AMBRA1: variants seen among roughly 807,000 people sequenced by gnomAD.
AMBRA1 encodes autophagy and beclin 1 regulator 1.
A neutral mutation model predicts 125.4 loss-of-function variants in AMBRA1; 47 were observed. The observed-to-expected ratio is 0.37, with a 90% CI of 0.30 to 0.48. The LOEUF is 0.48. AMBRA1 is among the 20% of genes least tolerant of loss of function. The pLI, the probability that AMBRA1 is intolerant of heterozygous loss-of-function variation, is 0.99. For missense variants in AMBRA1, 1,331 were observed against 1,693.4 expected (o/e 0.79, Z 3.76); for synonymous variants, 626 against 655.5 (o/e 0.95, Z 0.69).
In AMBRA1 at chr11:46,587,195, C is replaced by T. The variant is rs148780911; in HGVS notation, c.-121+6633G>A. ...AGGAGTTCGAGATCTGCCTGGCCAACATGGTGAAACCCCATCTCTACTCAA... is the reference window on the plus strand; with the variant it reads ...AGGAGTTCGAGATCTGCCTGGCCAATATGGTGAAACCCCATCTCTACTCAA... On this transcript the variant is annotated intron_variant, in intron 1 of 17. Coordinates refer to ENST00000683756, the MANE Select transcript of AMBRA1 (RefSeq NM_001387011.1). Among the ~76,000 whole-genome samples the T allele has an allele frequency of 2.0e-3, 302 of 152,214 alleles. 1 individual carries two copies. The highest frequency in any genetic ancestry group is 6.5e-3 in the African/African-American group (272 of 41,554).
chr11:46,413,618 G>A (rs558567148), intron 15 of AMBRA1, among the ~76,000 whole-genome samples: 1 of 151,990 alleles, frequency 6.6e-6, no homozygotes, highest in Non-Finnish European at 1.5e-5. Context: ...AGCCTCCCGA[G>A]TAGCTGGGAT....
At chr11:46,573,663 C>CTTTT (rs142367481) in intron 1 of AMBRA1, among the ~76,000 whole-genome samples, 6 of 138,700 alleles carry the variant, frequency 4.3e-5, no homozygotes, top group African/African-American at 1.6e-4. Context: ...AATCCTTTTT[C>CTTTT]TTTTTTTTTT....
intron 5 of AMBRA1, among the ~76,000 whole-genome samples, chr11:46,544,935 A>T (rs977823781): frequency 6.6e-6 from 1 of 151,848 alleles, no homozygotes; most frequent in African/African-American, 2.4e-5. Flanking sequence ...TGGGTAACAC[A>T]GTGAGGCCCC....
chr11:46,478,478 G>T (rs1949911484), intron 11 of AMBRA1, among the ~76,000 whole-genome samples: 2 of 152,036 alleles, frequency 1.3e-5, no homozygotes, highest in South Asian at 4.2e-4. Flanking sequence ...GAAATACAGG[G>T]CTATATCCTA....
intron 7 of AMBRA1, among the ~76,000 whole-genome samples, chr11:46,540,766 A>G (rs1207052330): frequency 6.6e-6 from 1 of 152,206 alleles, no homozygotes; most frequent in Non-Finnish European, 1.5e-5. Context: ...GTACCATACA[A>G]TGAAGCATTT....
chr11:46,552,710 T>C, intron 1 of AMBRA1, among the ~76,000 whole-genome samples: 1 of 149,288 alleles, frequency 6.7e-6, no homozygotes, highest in Middle Eastern at 3.2e-3. Flanking sequence ...AATTATGCGG[T>C]AAGTACATGT....
At chr11:46,428,933 T>C (rs1235065141) in intron 14 of AMBRA1, 3 of 1,612,122 alleles carry the variant, frequency 1.9e-6, no homozygotes, top group Non-Finnish European at 2.5e-6. Context: ...GATACCCTCA[T>C]TGGTAAGGTA....
intron 17 of AMBRA1, among the ~76,000 whole-genome samples, chr11:46,407,244 C>A (rs907191767): frequency 2.0e-5 from 3 of 152,116 alleles, no homozygotes. Context: ...AAAGAAGGGG[C>A]TGCCTAAGAG....
chr11:46,549,888 G>T (rs944305589), intron 1 of AMBRA1, among the ~76,000 whole-genome samples: 1 of 152,026 alleles, frequency 6.6e-6, no homozygotes, highest in African/African-American at 2.4e-5. Context: ...GCGCAATCTC[G>T]GCTCACTGCA....
chr11:46,529,470 C>A (rs1414369591), intron 7 of AMBRA1, among the ~76,000 whole-genome samples: 1 of 152,148 alleles, frequency 6.6e-6, no homozygotes, highest in Non-Finnish European at 1.5e-5. Context: ...ACTGCAATGA[C>A]CAGTGACTCC....
chr11:46,424,519 A>G (rs990667064), intron 14 of AMBRA1, among the ~76,000 whole-genome samples: 1 of 152,172 alleles, frequency 6.6e-6, no homozygotes, highest in Non-Finnish European at 1.5e-5. Context: ...GTGCTAAAAG[A>G]AATACTGAGG....
intron 9 of AMBRA1, among the ~76,000 whole-genome samples, chr11:46,499,458 G>A (rs2135000312): frequency 6.6e-6 from 1 of 152,224 alleles, no homozygotes; most frequent in East Asian, 1.9e-4. Flanking sequence ...TAATTCTAAA[G>A]TTGCTAAGCA....
intron 14 of AMBRA1, among the ~76,000 whole-genome samples, chr11:46,428,293 C>T (rs149993395): frequency 4.5e-4 from 68 of 152,294 alleles, no homozygotes; most frequent in African/African-American, 1.4e-3. Context: ...CTCTTGGCTA[C>T]GGTTTTACCA....
chr11:46,439,091 C>T (rs557333251), intron 12 of AMBRA1, among the ~76,000 whole-genome samples: 3 of 152,032 alleles, frequency 2.0e-5, no homozygotes, highest in South Asian at 2.1e-4. Context: ...GGCAACACAG[C>T]GAGATCTCAT....
chr11:46,443,690 A>T (rs917146618), intron 11 of AMBRA1, 92 bp from the exon 12 acceptor site: 2 of 1,087,850 alleles, frequency 1.8e-6, no homozygotes, highest in Admixed American at 2.1e-5. Flanking sequence ...AGTAGTGGGG[A>T]GAGAAGAGGA....
intron 11 of AMBRA1, among the ~76,000 whole-genome samples, chr11:46,489,953 A>G (rs1950404717): frequency 6.6e-6 from 1 of 152,176 alleles, no homozygotes; most frequent in East Asian, 1.9e-4. Context: ...TCTCACAGTG[A>G]TATTGGGCAA....
intron 15 of AMBRA1, among the ~76,000 whole-genome samples, 192 bp from the exon 16 acceptor site, chr11:46,410,560 C>T (rs1194697741): frequency 6.6e-6 from 1 of 152,188 alleles, no homozygotes; most frequent in Non-Finnish European, 1.5e-5. Flanking sequence ...AGACAAATCT[C>T]TAATAGCCTA....
At chr11:46,452,527 T>A (rs1449606688) in intron 11 of AMBRA1, among the ~76,000 whole-genome samples, 1 of 152,186 alleles carries the variant, frequency 6.6e-6, no homozygotes, top group African/African-American at 2.4e-5. Flanking sequence ...GAGCTCTCTG[T>A]AAATAAATAC....
In AMBRA1 at chr11:46,397,492, CCT is replaced by C; in HGVS notation, c.3853_3854del (p.Arg1285GlyfsTer7). ...CTCCCCTAGGGCCTGCAGCGTCCCC[CCT>C]GCTGCTGCCACCATCCAGAAGGTGG... ...NNHLLDGGSS[R>X]GDAAGPRGEP... is the part of the protein sequence containing the mutation. On this transcript the variant is annotated frameshift_variant, in exon 18 of 18. Transcript: ENST00000683756. LOFTEE classifies it high-confidence loss of function. The C allele has an allele frequency of 6.6e-7, 1 of 1,526,242 alleles. No individual in the cohort carries two copies. The highest frequency in any genetic ancestry group is 1.3e-5 in the South Asian group (1 of 77,066). The allele number at this position is 1,526,242 out of a possible 1,614,324, so 94.5% of individuals were successfully genotyped here.
Sources: allele counts gnomAD v4.1 joint callset (sites outside exome capture counted in the v4.1 genomes callset), GRCh38; gene constraint gnomAD v4.1.1; transcripts MANE v1.5; gene names NCBI Gene and HGNC (gene_info 2026-07-23, HGNC 2026-07-21).